Variants in NCAM1 observed in about 807,000 individuals in gnomAD.
NCAM1 encodes the protein antigen recognized by monoclonal antibody 5.1H11.
In NCAM1, 14 loss-of-function variants were observed where a neutral mutation model predicts 109.8. That is an observed-to-expected ratio of 0.13 (90% CI 0.08 to 0.20). The LOEUF (loss-of-function observed/expected upper bound fraction) is 0.20. Ranked by LOEUF, NCAM1 falls within the 10% of genes least tolerant of loss-of-function variation. The pLI, the probability that NCAM1 is intolerant of heterozygous loss-of-function variation, is 1.00. For synonymous variants in NCAM1, 418 were observed against 442.9 expected (o/e 0.94, Z 0.70); for missense variants, 774 against 1,109.9 (o/e 0.70, Z 4.30).
intron 1 of NCAM1, among the ~76,000 whole-genome samples, chr11:113,004,147 GTTC>G (rs1307326768): frequency 6.6e-6 from 1 of 152,160 alleles, no homozygotes; most frequent in African/African-American, 2.4e-5. Flanking sequence ...TTTTGTTTAT[GTTC>G]TTATTTTTCT....
At chr11:113,109,862 T>C (rs1344920960) in intron 1 of NCAM1, among the ~76,000 whole-genome samples, 1 of 152,184 alleles carries the variant, frequency 6.6e-6, no homozygotes, top group Admixed American at 6.5e-5. Context: ...TCAGATAGTG[T>C]GGACCTGATG....
chr11:113,056,500 A>T (rs781816654), intron 1 of NCAM1, among the ~76,000 whole-genome samples: 51 of 152,202 alleles, frequency 3.4e-4, no homozygotes, highest in Admixed American at 2.6e-4. Flanking sequence ...TACCCCTAAC[A>T]TAGGTACAAC....
At chr11:113,051,831 T>G (rs1555081830) in intron 1 of NCAM1, among the ~76,000 whole-genome samples, 1 of 152,244 alleles carries the variant, frequency 6.6e-6, no homozygotes, top group African/African-American at 2.4e-5. Flanking sequence ...TTCAGCTTTT[T>G]ACATTAATTT....
chr11:113,213,462 A>G (rs1195797868), intron 7 of NCAM1, among the ~76,000 whole-genome samples: 1 of 152,072 alleles, frequency 6.6e-6, no homozygotes, highest in African/African-American at 2.4e-5. Context: ...AACTCATCTC[A>G]ACTCATCTCC....
At chr11:113,262,492 G>A (rs537936752) in intron 17 of NCAM1, among the ~76,000 whole-genome samples, 4 of 152,254 alleles carry the variant, frequency 2.6e-5, no homozygotes, top group East Asian at 3.9e-4. Flanking sequence ...TCATTTGCTC[G>A]CTGATCCCTA....
intron 1 of NCAM1, among the ~76,000 whole-genome samples, chr11:113,028,543 G>A (rs540710487): frequency 6.6e-6 from 1 of 152,056 alleles, no homozygotes; most frequent in African/African-American, 2.4e-5. Flanking sequence ...TCTCGAGATG[G>A]AAAAAAGGTG....
intron 1 of NCAM1, among the ~76,000 whole-genome samples, chr11:113,198,018 C>T (rs1943908125): frequency 6.6e-6 from 1 of 152,114 alleles, no homozygotes; most frequent in African/African-American, 2.4e-5. Flanking sequence ...CCTTTCAGAA[C>T]ATATCATCAG....
At chr11:113,047,821 C>G (rs930312089) in intron 1 of NCAM1, among the ~76,000 whole-genome samples, 3 of 152,116 alleles carry the variant, frequency 2.0e-5, no homozygotes, top group African/African-American at 2.4e-5. Flanking sequence ...TCTTGTGAGA[C>G]GTATTCACTA....
At chr11:113,228,188 C>T (rs1944904369) in intron 9 of NCAM1, among the ~76,000 whole-genome samples, 2 of 152,174 alleles carry the variant, frequency 1.3e-5, no homozygotes, top group Admixed American at 1.3e-4. Flanking sequence ...AAGACCCCAT[C>T]ATCTCAGCCC....
At chr11:113,088,289 T>C (rs1217839741) in intron 1 of NCAM1, among the ~76,000 whole-genome samples, 1 of 152,250 alleles carries the variant, frequency 6.6e-6, no homozygotes, top group East Asian at 1.9e-4. Flanking sequence ...TATATATTCC[T>C]CAGCCATTGG....
chr11:113,264,388 C>T (rs1406868512), intron 17 of NCAM1: 2 of 985,252 alleles, frequency 2.0e-6, no homozygotes, highest in Non-Finnish European at 2.4e-6. Context: ...GGCTCACGTG[C>T]AGACATCAGA....
intron 1 of NCAM1, among the ~76,000 whole-genome samples, chr11:113,064,449 G>A (rs1235240277): frequency 5.3e-5 from 8 of 152,110 alleles, no homozygotes; most frequent in African/African-American, 1.9e-4. Context: ...AAACATAAAG[G>A]AGTTCTAGAC....
chr11:113,166,121 G>A (rs1466905457), intron 1 of NCAM1, among the ~76,000 whole-genome samples: 1 of 152,052 alleles, frequency 6.6e-6, no homozygotes, highest in Admixed American at 6.5e-5. Flanking sequence ...GTGAGCCACC[G>A]CGCCCGGGCA....
intron 17 of NCAM1, among the ~76,000 whole-genome samples, chr11:113,268,101 A>G (rs2137740735): frequency 6.6e-6 from 1 of 152,330 alleles, no homozygotes; most frequent in Middle Eastern, 3.4e-3. Context: ...AGAAAACCCA[A>G]GGCTAAAGTT....
chr11:113,233,380 A>C lies in NCAM1; in HGVS notation c.1693+63A>C. On this transcript the variant is annotated intron_variant, in intron 13 of 19. Coordinates refer to ENST00000316851, the MANE Select transcript of NCAM1 (RefSeq NM_181351.5). The surrounding 1 kb of genome is among the most constrained non-coding windows in gnomAD (Gnocchi z 4.5). ...AGTGCCTCAGTACTCAGATGTCCCCACCTGCCATCCTGGGCATGTTCCTAC... is the reference window on the plus strand; with the variant it reads ...AGTGCCTCAGTACTCAGATGTCCCCCCCTGCCATCCTGGGCATGTTCCTAC... 1 of 1,510,540 alleles carries C rather than the reference A, an allele frequency of 6.6e-7. No individual in the cohort carries two copies. The highest frequency in any genetic ancestry group is 1.3e-5 in the South Asian group (1 of 78,950). 93.6% of individuals were successfully genotyped at this position (1,510,540 alleles called of 1,614,324 possible). A position where few individuals can be genotyped will look rare whatever the true frequency, so the allele number is the denominator to read the frequency against.
chr11:113,153,529 T>G (rs944119400), intron 1 of NCAM1, among the ~76,000 whole-genome samples: 1 of 152,120 alleles, frequency 6.6e-6, no homozygotes, highest in Non-Finnish European at 1.5e-5. Context: ...TTGTCATGAT[T>G]CTGGCTTGGC....
At chr11:113,202,519 C>T in intron 2 of NCAM1, 66 bp downstream of exon 2, 1 of 1,424,452 alleles carries the variant, frequency 7.0e-7, no homozygotes, top group Non-Finnish European at 9.6e-7. Flanking sequence ...AGAGCAGGAG[C>T]CCTCAGGCCA....
intron 1 of NCAM1, among the ~76,000 whole-genome samples, chr11:113,042,245 A>G (rs1555080077): frequency 6.6e-6 from 1 of 152,102 alleles, no homozygotes; most frequent in African/African-American, 2.4e-5. Flanking sequence ...CACTTGTCTG[A>G]AGAGATGTTA....
chr11:113,126,034 G>T (rs1314925094), intron 1 of NCAM1, among the ~76,000 whole-genome samples: 1 of 151,518 alleles, frequency 6.6e-6, no homozygotes, highest in Non-Finnish European at 1.5e-5. Context: ...GTGCATGCCT[G>T]TAGTCCCAGC....
Sources: gnomAD v4.1 joint callset for allele counts (sites outside exome capture counted in the v4.1 genomes callset) on GRCh38, gnomAD v4.1.1 for gene constraint, Gnocchi (gnomAD v3.1) non-coding constraint, MANE v1.5 for transcripts, NCBI Gene and HGNC (gene_info 2026-07-23, HGNC 2026-07-21) for gene names.